DDX51: variants seen among roughly 807,000 people sequenced by gnomAD.
DDX51 encodes the protein DEAD-box helicase 51.
DDX51 carries 67 observed loss-of-function variants against 74.6 expected under a neutral mutation model. That is an observed-to-expected ratio of 0.90 (90% confidence interval 0.74 to 1.10). The LOEUF (loss-of-function observed/expected upper bound fraction) is 1.10, where lower values mean the gene tolerates loss of function less well. DDX51 is among the 50% of genes least tolerant of loss of function. DDX51 has a pLI of 0.00. For missense variants in DDX51, 1,056 were observed against 905.2 expected, an observed-to-expected ratio of 1.17 and a Z score of -2.14; for synonymous variants, 545 against 402.9, an observed-to-expected ratio of 1.35 and a Z score of -4.22.
At chr12:132,142,213 G>A (rs371059163) in intron 4 of DDX51, 23 bp from the exon 5 acceptor site, 34 of 1,583,796 alleles carry the variant, frequency 2.1e-5, no homozygotes, top group South Asian at 1.6e-4. Context: ...GAGCGCCTGC[G>A]TCAGCAAGGC....
At position 132,142,126 on chromosome 12, in the gene DDX51, G is replaced by A; in HGVS notation, c.881C>T (p.Ala294Val). ...ALVVLPTKEL[A>V]QQVSKVFNIY... Reference sequence around the variant, plus strand: ...GGTCTAGGGTCCACATACCTGCTGGGCCAGCTCCTTGGTGGGCAGCACAAC... The same window carrying A: ...GGTCTAGGGTCCACATACCTGCTGGACCAGCTCCTTGGTGGGCAGCACAAC... Residue 294 changes from alanine (A) to valine (V), a missense_variant, in exon 5 of 15, where the codon GCC (alanine) becomes GTC (valine). Coordinates refer to ENST00000397333, the MANE Select transcript of DDX51 (RefSeq NM_175066.4). The A allele has an allele frequency of 6.5e-7, 1 of 1,544,948 alleles. No individual in the cohort carries two copies. Among genetic ancestry groups the A allele is most frequent in the South Asian group, 1.3e-5 (1 of 79,394 alleles).
chr12:132,142,645 C>T lies in DDX51; in HGVS notation c.670+83G>A, dbSNP rs1258873672. 9.0e-6 allele frequency: 14 copies of T among 1,561,610 alleles called. No individual in the cohort carries two copies. The East Asian group carries it at 9.0e-5, about 10-fold the overall frequency. ...ACACTTGGCACCGATGTGGCAGGGA[C>T]GCCTGACCCACGGCCACTCACAGCC... On this transcript the variant is annotated intron_variant, in intron 3 of 14. Coordinates refer to ENST00000397333, the MANE Select transcript of DDX51 (RefSeq NM_175066.4).
At chr12:132,141,102 C>T in intron 8 of DDX51, 82 bp from the exon 9 acceptor site, 1 of 1,513,148 alleles carries the variant, frequency 6.6e-7, no homozygotes, top group Non-Finnish European at 8.8e-7. Context: ...ATGCTACGCA[C>T]TGTAGAGACT....
Position 132,137,545 on chromosome 12 carries a change from T to C in DDX51, c.*1727A>G, listed in dbSNP as rs1462221980. 2.0e-5 allele frequency: 3 copies of C among 152,352 alleles called. No homozygotes were observed. Among genetic ancestry groups the C allele is most frequent in the East Asian group, 3.9e-4 (2 of 5,184 alleles). 9.4% of individuals were successfully genotyped at this position (152,352 alleles called of 1,614,324 possible). A position where few individuals can be genotyped will look rare whatever the true frequency, so the allele number is the denominator to read the frequency against. ...TGAACACAGTCCACAGGTTCAGTGG[T>C]TGCATCTCTAATCAGCTGCCAGTCC... On this transcript the variant is annotated 3_prime_UTR_variant, in exon 15 of 15. Transcript: ENST00000397333.
At chr12:132,142,028 C>T (rs1165803462) in intron 5 of DDX51, 72 bp from the exon 6 acceptor site, 1 of 1,606,218 alleles carries the variant, frequency 6.2e-7, no homozygotes. Flanking sequence ...GACCCCAGAT[C>T]TAATCTGGGT....
At chr12:132,139,478 T>TC in intron 14 of DDX51, 157 bp downstream of exon 14, 4 of 1,525,958 alleles carry the variant, frequency 2.6e-6, no homozygotes, top group Non-Finnish European at 3.6e-6. Context: ...GCCCAGGGGC[T>TC]CCCCGCCCTT....
Position 132,141,907 on chromosome 12 carries a change from G to A in DDX51, c.938C>T (p.Ser313Phe), listed in dbSNP as rs111718326. ...IYTDATPLRV[S>F]LVTGQKSLAK... ...CAGAGACTTCTGTCCCGTAACCAGG[G>A]AGACTCTCAGAGGTGTGGCATCTGT... The change falls in exon 6 of 15, where the codon TCC (serine) becomes TTC (phenylalanine). Residue 313 changes from serine to phenylalanine, a missense_variant. Transcript: ENST00000397333. 3,270 of 1,613,216 alleles carry A rather than the reference G, an allele frequency of 2.0e-3. 5 individuals are homozygous for A. The highest frequency in any genetic ancestry group is 3.7e-3 in the African/African-American group (280 of 75,068).
intron 4 of DDX51, 40 bp downstream of exon 4, chr12:132,142,237 C>G (rs1330126061): frequency 1.2e-6 from 2 of 1,606,820 alleles, no homozygotes; most frequent in Non-Finnish European, 1.7e-6. Context: ...TACCTGTCCT[C>G]TGCACACCCG....
intron 5 of DDX51, 39 bp from the exon 6 acceptor site, chr12:132,141,995 T>G (rs1338376088): frequency 6.2e-7 from 1 of 1,608,130 alleles, no homozygotes; most frequent in East Asian, 2.2e-5. Flanking sequence ...AGGTAGCTGG[T>G]GTCCACCTAC....
intron 8 of DDX51, 112 bp from the exon 9 acceptor site, chr12:132,141,132 G>C: frequency 1.3e-6 from 2 of 1,494,392 alleles, no homozygotes; most frequent in South Asian, 2.6e-5. Context: ...CAGGAGCAAG[G>C]TGGGTCCAGC....
chr12:132,140,291 G>A, intron 11 of DDX51, 92 bp from the exon 12 acceptor site: 2 of 1,560,558 alleles, frequency 1.3e-6, no homozygotes, highest in South Asian at 2.3e-5. Flanking sequence ...GGCCTTTCTG[G>A]GAACTGGCTG....
At chr12:132,142,570 C>T in intron 3 of DDX51, 148 bp from the exon 4 acceptor site, 2 of 1,467,384 alleles carry the variant, frequency 1.4e-6, no homozygotes, top group South Asian at 2.7e-5. Context: ...AGAGGAACGC[C>T]AGCCTCAGGA....
chr12:132,139,380 C>T (rs1462763029), intron 14 of DDX51, 82 bp from the exon 15 acceptor site: 8 of 1,570,320 alleles, frequency 5.1e-6, no homozygotes, highest in Non-Finnish European at 6.9e-6. Flanking sequence ...CCCCTGGAAC[C>T]CTGAGGACAG....
rs746633321 is a variant in DDX51 at position 132,139,244 on chromosome 12, C to G, written c.*28G>C. On this transcript the variant is annotated 3_prime_UTR_variant, in exon 15 of 15. Coordinates refer to ENST00000397333, the MANE Select transcript of DDX51 (RefSeq NM_175066.4). ...AAGGAGGGTCAGGGTGGTGAGCGTT[C>G]AGTCCCTCCGGCCCTCTGAGCCCCA... 8.1e-6 allele frequency: 13 copies of G among 1,605,088 alleles called. No homozygotes were observed. The highest frequency in any genetic ancestry group is 1.3e-5 in the African/African-American group (1 of 74,854).
chr12:132,143,148 G>A (rs1897543114), intron 2 of DDX51: 4 of 484,914 alleles, frequency 8.2e-6, no homozygotes, highest in South Asian at 2.1e-5. Flanking sequence ...CCTGGCGCTC[G>A]CCTGCCCCAG....
chr12:132,142,812 G>T lies in DDX51; in HGVS notation c.586C>A (p.Leu196Met). ...TCAGGGATGTCCTCGATAGGAACCA[G>T]GTCTTCGGTGACATTCCTTCTGACA... ...NCVRRNVTED[L>M]VPIEDIPDVH... Residue 196 changes from leucine (L) to methionine (M), a missense_variant, in exon 3 of 15, where the codon CTG becomes ATG. Leu to Met is a conservative substitution (Grantham distance 15, BLOSUM62 2). Transcript: ENST00000397333. 4 of 1,613,102 alleles carry T rather than the reference G, an allele frequency of 2.5e-6. No individual in the cohort carries two copies. The highest frequency in any genetic ancestry group is 3.4e-6 in the Non-Finnish European group (4 of 1,180,036).
Position 132,142,137 on chromosome 12 carries a change from G to A in DDX51, c.870C>T (p.Thr290=). 1 of 1,545,576 alleles carries A rather than the reference G, an allele frequency of 6.5e-7. No homozygotes were observed. Among genetic ancestry groups the A allele is most frequent in the Admixed American group, 1.9e-5 (1 of 51,950 alleles). Residue 290 remains threonine (T), a synonymous_variant, in exon 5 of 15, where the codon ACC becomes ACT. Coordinates refer to ENST00000397333, the MANE Select transcript of DDX51 (RefSeq NM_175066.4). ...CHIRALVVLP[T]KELAQQVSKV... Reference sequence around the variant, plus strand: ...CACATACCTGCTGGGCCAGCTCCTTGGTGGGCAGCACAACCAGGGCACGGA... The same window carrying A: ...CACATACCTGCTGGGCCAGCTCCTTAGTGGGCAGCACAACCAGGGCACGGA...
chr12:132,141,638 A>G, intron 6 of DDX51, 32 bp from the exon 7 acceptor site: 1 of 1,543,512 alleles, frequency 6.5e-7, no homozygotes, highest in Non-Finnish European at 8.7e-7. Flanking sequence ...GAGAGAAGGA[A>G]GCTTTCTCAA....
At chr12:132,143,438 C>G (rs1897558703) in intron 2 of DDX51, 7 of 574,378 alleles carry the variant, frequency 1.2e-5, no homozygotes, top group Non-Finnish European at 1.8e-5. Flanking sequence ...CAGGAAACCC[C>G]GCACGTTCAC....
Sources: allele counts gnomAD v4.1 joint callset, GRCh38; gene constraint gnomAD v4.1.1; transcripts MANE v1.5; gene names NCBI Gene and HGNC (gene_info 2026-07-23, HGNC 2026-07-21).